Variants in CADM2 observed in about 807,000 individuals in gnomAD.
The protein encoded by CADM2 is cell adhesion molecule 2, also known as immunoglobulin superfamily member 4D.
Under a neutral mutation model 49.8 loss-of-function variants are expected in CADM2, and 12 were observed. That is an observed-to-expected ratio of 0.24 (90% confidence interval 0.15 to 0.39). The LOEUF (loss-of-function observed/expected upper bound fraction) is 0.39. CADM2 is among the 10% of genes least tolerant of loss of function. The pLI is 1.00. For missense variants in CADM2, 378 were observed against 492.3 expected, an observed-to-expected ratio of 0.77 and a Z score of 2.20; for synonymous variants, 214 against 175.4, an observed-to-expected ratio of 1.22 and a Z score of -1.74.
chr3:85,225,961 G>A (rs756171141), intron 1 of CADM2, among the ~76,000 whole-genome samples: 6 of 152,146 alleles, frequency 3.9e-5, no homozygotes, highest in Admixed American at 6.5e-5. Flanking sequence ...CGACTTCATC[G>A]TGGTGGATAA....
chr3:85,081,267 C>T (rs4410457), intron 1 of CADM2, among the ~76,000 whole-genome samples: 90,075 of 151,836 alleles, frequency 0.59, 27,533 homozygotes, highest in Middle Eastern at 0.65. Flanking sequence ...AGACAAACAT[C>T]TACCCACTAT....
chr3:85,153,209 C>T (rs992648364), intron 1 of CADM2, among the ~76,000 whole-genome samples: 12 of 152,016 alleles, frequency 7.9e-5, no homozygotes, highest in African/African-American at 2.4e-4. Context: ...AGACAGTGGG[C>T]GCAGGTCAGT....
At chr3:85,864,993 C>T (rs919219315) in intron 3 of CADM2, among the ~76,000 whole-genome samples, 6 of 152,166 alleles carry the variant, frequency 3.9e-5, no homozygotes, top group African/African-American at 1.4e-4. Context: ...CCCTGGGCTC[C>T]CAGCCCAGAA....
At chr3:85,707,180 A>G (rs1420402339) in intron 1 of CADM2, among the ~76,000 whole-genome samples, 1 of 151,944 alleles carries the variant, frequency 6.6e-6, no homozygotes, top group African/African-American at 2.4e-5. Context: ...TATATTATCT[A>G]TGATTCTTTA....
chr3:85,133,085 G>T (rs750646336), intron 1 of CADM2, among the ~76,000 whole-genome samples: 7 of 152,126 alleles, frequency 4.6e-5, no homozygotes, highest in Non-Finnish European at 7.4e-5. Context: ...CTTCCTCCAG[G>T]TGGGCTCCTG....
intron 7 of CADM2, among the ~76,000 whole-genome samples, chr3:85,945,406 G>C (rs149773681): frequency 2.0e-5 from 3 of 152,130 alleles, no homozygotes; most frequent in South Asian, 2.1e-4. Context: ...GAAAAAGAGG[G>C]AATCCTCCCC....
At chr3:85,605,485 A>G (rs1426159881) in intron 1 of CADM2, among the ~76,000 whole-genome samples, 2 of 152,076 alleles carry the variant, frequency 1.3e-5, no homozygotes, top group African/African-American at 2.4e-5. Flanking sequence ...GGTCCAATCC[A>G]TAAGTTGATA....
chr3:85,632,288 T>C (rs950816045), intron 1 of CADM2, among the ~76,000 whole-genome samples: 2 of 152,160 alleles, frequency 1.3e-5, no homozygotes, highest in African/African-American at 4.8e-5. Flanking sequence ...CTGCCATGAT[T>C]GTGAAGGTTT....
At chr3:85,974,338 G>C (rs547532123) in intron 8 of CADM2, among the ~76,000 whole-genome samples, 1 of 151,760 alleles carries the variant, frequency 6.6e-6, no homozygotes, top group South Asian at 2.1e-4. Flanking sequence ...TGTCAAGGGG[G>C]TAAAGCACTT....
chr3:85,705,622 A>T lies in CADM2; in HGVS notation c.62-20900A>T, dbSNP rs79643532. ...ATATACATACAGGATTTGGCTCCTAATTATAAGTTCTGTGGGCCTTCATTA... is the reference window on the plus strand; with the variant it reads ...ATATACATACAGGATTTGGCTCCTATTTATAAGTTCTGTGGGCCTTCATTA... On this transcript the variant is annotated intron_variant, in intron 1 of 9. Coordinates refer to ENST00000383699, the MANE Select transcript of CADM2 (RefSeq NM_001167675.2). Among the ~76,000 whole-genome samples the T allele has an allele frequency of 5.6e-3, 855 of 152,268 alleles. 8 individuals carry two copies. The highest frequency in any genetic ancestry group is 0.019 in the African/African-American group (804 of 41,562).
chr3:85,445,159 A>G (rs1355198197), intron 1 of CADM2, among the ~76,000 whole-genome samples: 1 of 152,116 alleles, frequency 6.6e-6, no homozygotes, highest in South Asian at 2.1e-4. Context: ...GGGAATTTCA[A>G]TGATTTTCCT....
At chr3:85,834,270 C>T (rs754317852) in intron 3 of CADM2, among the ~76,000 whole-genome samples, 5 of 151,432 alleles carry the variant, frequency 3.3e-5, no homozygotes, top group Non-Finnish European at 5.9e-5. Context: ...GTTACCTGCC[C>T]TTAAGAATTA....
chr3:85,745,960 C>T (rs1226805439), intron 2 of CADM2, among the ~76,000 whole-genome samples: 1 of 151,896 alleles, frequency 6.6e-6, no homozygotes, highest in African/African-American at 2.4e-5. Context: ...TTAGCCTTCC[C>T]CACTCCAATA....
intron 1 of CADM2, among the ~76,000 whole-genome samples, chr3:85,453,223 A>G (rs1271657083): frequency 6.6e-6 from 1 of 152,018 alleles, no homozygotes; most frequent in Non-Finnish European, 1.5e-5. Flanking sequence ...TATACTTATT[A>G]TTTCATGTAA....
intron 5 of CADM2, among the ~76,000 whole-genome samples, chr3:85,891,629 A>T (rs1270230324): frequency 6.6e-6 from 1 of 152,110 alleles, no homozygotes; most frequent in African/African-American, 2.4e-5. Flanking sequence ...GAGAGACATT[A>T]TTTTCCTGGC....
chr3:85,845,340 G>A (rs1447903445), intron 3 of CADM2, among the ~76,000 whole-genome samples: 3 of 152,050 alleles, frequency 2.0e-5, no homozygotes, highest in Non-Finnish European at 4.4e-5. Flanking sequence ...ATTCAGTCAG[G>A]AGTCAGATGA....
chr3:85,270,692 G>A (rs2043220411), intron 1 of CADM2, among the ~76,000 whole-genome samples: 1 of 151,030 alleles, frequency 6.6e-6, no homozygotes, highest in Non-Finnish European at 1.5e-5. Context: ...GAAGGAACTC[G>A]AATATCTGGT....
At chr3:85,035,372 G>A (rs2035170678) in intron 1 of CADM2, among the ~76,000 whole-genome samples, 2 of 152,150 alleles carry the variant, frequency 1.3e-5, no homozygotes, top group Admixed American at 1.3e-4. Context: ...TCCGCTGGCT[G>A]TCTTTTCAGT....
intron 1 of CADM2, among the ~76,000 whole-genome samples, chr3:85,565,986 G>T (rs1413093846): frequency 6.6e-6 from 1 of 151,954 alleles, no homozygotes; most frequent in Non-Finnish European, 1.5e-5. Context: ...ATAGTGGCAC[G>T]CTTTAATAAA....
Sources: allele counts gnomAD v4.1 joint callset (sites outside exome capture counted in the v4.1 genomes callset), GRCh38; gene constraint gnomAD v4.1.1; transcripts MANE v1.5; gene names NCBI Gene and HGNC (gene_info 2026-07-23, HGNC 2026-07-21).